MINDY4: variants seen among roughly 807,000 people sequenced by gnomAD.
MINDY4 encodes the protein MINDY lysine 48 deubiquitinase 4, also known as probable ubiquitin carboxyl-terminal hydrolase MINDY-4.
In MINDY4, 68 loss-of-function variants were observed where a neutral mutation model predicts 87.0. The observed-to-expected ratio is 0.78, with a 90% CI of 0.64 to 0.96. MINDY4 has a LOEUF of 0.96. Among genes scored for constraint, MINDY4 ranks in the 40% least tolerant of loss-of-function variants. The probability of loss-of-function intolerance (pLI) is 0.00; values close to 1 mark genes in which losing one functional copy is unlikely to be tolerated. For synonymous variants in MINDY4, 379 were observed against 363.2 expected (o/e 1.04, Z -0.50); for missense variants, 919 against 928.2 (o/e 0.99, Z 0.13).
intron 11 of MINDY4, 170 bp downstream of exon 11, chr7:30,852,449 G>T: frequency 1.2e-6 from 1 of 838,194 alleles, no homozygotes; most frequent in Non-Finnish European, 1.4e-6. Flanking sequence ...GTGGCTTTGG[G>T]GATGGGCTCC....
chr7:30,791,341 A>G lies in MINDY4; in HGVS notation c.840A>G (p.Val280=), dbSNP rs376245817. 5 of 1,614,022 alleles carry G rather than the reference A, an allele frequency of 3.1e-6. No individual in the cohort carries two copies. In the African/African-American group the frequency reaches 4.0e-5, roughly 13 times the overall value. The change falls in exon 5 of 18, where the codon GTA becomes GTG. Residue 280 remains valine (V), a synonymous_variant. Transcript: ENST00000265299. ...TGGGTCAGCTTAGTGAACTGACCGT[A>G]GAAAGGCAGAAAACCACTGCCAGCA... ...TSLGQLSELT[V]ERQKTTASSP... is the part of the protein sequence containing the mutation.
intron 15 of MINDY4, among the ~76,000 whole-genome samples, chr7:30,879,152 C>G (rs946288879): frequency 2.6e-5 from 4 of 152,206 alleles, no homozygotes; most frequent in African/African-American, 9.7e-5. Context: ...CCCCCAGTAC[C>G]TCAGAATGTA....
intron 9 of MINDY4, among the ~76,000 whole-genome samples, chr7:30,849,729 C>T (rs1789339784): frequency 6.6e-6 from 1 of 152,222 alleles, no homozygotes; most frequent in Non-Finnish European, 1.5e-5. Flanking sequence ...TGCCCAGCCC[C>T]AGCTGCTCTC....
At chr7:30,862,666 G>T (rs1187523940) in intron 13 of MINDY4, among the ~76,000 whole-genome samples, 1 of 152,186 alleles carries the variant, frequency 6.6e-6, no homozygotes, top group Non-Finnish European at 1.5e-5. Context: ...CCCACCTCAG[G>T]CTCCATTAGG....
chr7:30,881,044 T>C (rs1470702771), intron 15 of MINDY4, among the ~76,000 whole-genome samples: 2 of 152,150 alleles, frequency 1.3e-5, no homozygotes, highest in Non-Finnish European at 2.9e-5. Context: ...TCCCATTCTT[T>C]CTTTAATCCA....
chr7:30,855,792 G>A (rs6462228), intron 12 of MINDY4, among the ~76,000 whole-genome samples: 38,052 of 152,162 alleles, frequency 0.25, 5,267 homozygotes, highest in African/African-American at 0.36. Context: ...ACTCAAAGCA[G>A]TCGCCTCCTC....
intron 5 of MINDY4, among the ~76,000 whole-genome samples, chr7:30,810,243 G>T (rs1787946002): frequency 6.8e-6 from 1 of 146,510 alleles, no homozygotes; most frequent in Admixed American, 6.8e-5. Context: ...TCGAAGAGTT[G>T]TCTGCGAAAG....
At chr7:30,827,617 T>A (rs1788551771) in intron 5 of MINDY4, among the ~76,000 whole-genome samples, 1 of 152,128 alleles carries the variant, frequency 6.6e-6, no homozygotes, top group South Asian at 2.1e-4. Flanking sequence ...ATGACTTGAC[T>A]GAGTTGAGGA....
At chr7:30,784,316 G>A (rs1212688538) in intron 3 of MINDY4, among the ~76,000 whole-genome samples, 2 of 152,226 alleles carry the variant, frequency 1.3e-5, no homozygotes, top group Non-Finnish European at 2.9e-5. Context: ...GTCATCTTCT[G>A]CATCTGTGAG....
In MINDY4 at chr7:30,881,528, C is replaced by G. The variant is rs542504962; in HGVS notation, c.1972-653C>G. Among the ~76,000 whole-genome samples, 4 of 152,296 alleles carry G rather than the reference C, an allele frequency of 2.6e-5. No individual in the cohort carries two copies. In the South Asian group the frequency reaches 8.3e-4, roughly 32 times the overall value. On this transcript the variant is annotated intron_variant, in intron 15 of 17. Coordinates refer to ENST00000265299, the MANE Select transcript of MINDY4 (RefSeq NM_032222.3). ...TCCTAGTTGTCTTTACCGTGCAGTT[C>G]TAGTTCAAGTCCTGCTTCATCCATG...
At chr7:30,795,706 C>A (rs544285481) in intron 5 of MINDY4, among the ~76,000 whole-genome samples, 2 of 152,322 alleles carry the variant, frequency 1.3e-5, no homozygotes, top group African/African-American at 4.8e-5. Context: ...GGTCTGCAAT[C>A]CAGGTGTCAG....
At position 30,844,591 on chromosome 7, in the gene MINDY4, G is replaced by A. The variant is rs556726455; in HGVS notation, c.1445+3743G>A. Reference sequence around the variant, plus strand: ...GAGGGCCTGCTGTCGGGGGCCTGGAGAAGAGAAGGGAGGTGGAGTCCATGT... The same window carrying A: ...GAGGGCCTGCTGTCGGGGGCCTGGAAAAGAGAAGGGAGGTGGAGTCCATGT... On this transcript the variant is annotated intron_variant, in intron 9 of 17. Transcript: ENST00000265299. 7.2e-5 allele frequency among the ~76,000 whole-genome samples: 11 copies of A among 152,326 alleles called. No individual in the cohort carries two copies. In the South Asian group the frequency reaches 1.9e-3, roughly 26 times the overall value.
intron 12 of MINDY4, among the ~76,000 whole-genome samples, chr7:30,853,811 G>A (rs1381578796): frequency 1.3e-5 from 2 of 152,236 alleles, no homozygotes; most frequent in Admixed American, 6.5e-5. Flanking sequence ...GGAAGCAGCC[G>A]CCACTGGAAT....
At chr7:30,840,993 T>C (rs1789015836) in intron 9 of MINDY4, 145 bp downstream of exon 9, 5 of 705,782 alleles carry the variant, frequency 7.1e-6, no homozygotes, top group Non-Finnish European at 1.2e-5. Context: ...GGCAGCTAGC[T>C]GACAAGGCCT....
chr7:30,828,839 C>G, intron 6 of MINDY4, 102 bp downstream of exon 6: 1 of 1,065,724 alleles, frequency 9.4e-7, no homozygotes, highest in Non-Finnish European at 1.4e-6. Context: ...TTCCTTCCAC[C>G]TGACCTCAGC....
At chr7:30,808,849 A>G (rs1270467396) in intron 5 of MINDY4, among the ~76,000 whole-genome samples, 1 of 151,998 alleles carries the variant, frequency 6.6e-6, no homozygotes. Context: ...CTGAGACAAC[A>G]GCAGCATAAA....
At chr7:30,886,359 A>C (rs917327319) in intron 17 of MINDY4, among the ~76,000 whole-genome samples, 2 of 152,116 alleles carry the variant, frequency 1.3e-5, no homozygotes, top group Admixed American at 1.3e-4. Context: ...TTTGGAATCA[A>C]CCCTGTTACC....
chr7:30,838,270 A>G (rs1445231432), intron 7 of MINDY4, among the ~76,000 whole-genome samples: 1 of 152,136 alleles, frequency 6.6e-6, no homozygotes, highest in Non-Finnish European at 1.5e-5. Context: ...CAGTGAACTC[A>G]TTATCAGCCA....
chr7:30,887,013 C>T (rs375628242), intron 17 of MINDY4, among the ~76,000 whole-genome samples: 7 of 152,296 alleles, frequency 4.6e-5, no homozygotes, highest in East Asian at 1.9e-4. Flanking sequence ...AACTCATAAC[C>T]GGAGCCTGGG....
Sources: gnomAD v4.1 joint callset for allele counts (sites outside exome capture counted in the v4.1 genomes callset) on GRCh38, gnomAD v4.1.1 for gene constraint, MANE v1.5 for transcripts, NCBI Gene and HGNC (gene_info 2026-07-23, HGNC 2026-07-21) for gene names.